Variants in SLC24A3 observed in about 807,000 individuals in gnomAD.
SLC24A3 encodes solute carrier family 24 member 3.
In SLC24A3, 28 loss-of-function variants were observed where a neutral mutation model predicts 75.8. The observed-to-expected ratio is 0.37, with a 90% CI of 0.27 to 0.51. The LOEUF (loss-of-function observed/expected upper bound fraction) is 0.51. Among genes scored for constraint, SLC24A3 ranks in the 20% least tolerant of loss-of-function variants. SLC24A3 has a pLI of 0.94. For synonymous variants in SLC24A3, 372 were observed against 334.1 expected, an observed-to-expected ratio of 1.11 and a Z score of -1.24; for missense variants, 663 against 847.8, an observed-to-expected ratio of 0.78 and a Z score of 2.71.
intron 6 of SLC24A3, among the ~76,000 whole-genome samples, chr20:19,610,400 G>A (rs1449307390): frequency 1.3e-5 from 2 of 152,170 alleles, no homozygotes; most frequent in African/African-American, 4.8e-5. Context: ...GCTGGGCTGG[G>A]ACCCCACAGA....
At chr20:19,572,851 G>C (rs556229081) in intron 3 of SLC24A3, among the ~76,000 whole-genome samples, 1 of 152,156 alleles carries the variant, frequency 6.6e-6, no homozygotes, top group East Asian at 1.9e-4. Context: ...TCCTCATGGG[G>C]CTATTAGATA....
chr20:19,568,653 A>T (rs2031000517), intron 3 of SLC24A3, among the ~76,000 whole-genome samples: 1 of 152,224 alleles, frequency 6.6e-6, no homozygotes, highest in Non-Finnish European at 1.5e-5. Context: ...TCAATCTGGG[A>T]AAATGAGAAA....
At chr20:19,506,246 T>A (rs1010614645) in intron 2 of SLC24A3, among the ~76,000 whole-genome samples, 1 of 152,216 alleles carries the variant, frequency 6.6e-6, no homozygotes, top group Non-Finnish European at 1.5e-5. Flanking sequence ...CAAGTTTTCT[T>A]AGCAAATTTG....
chr20:19,298,747 A>G (rs549694414), intron 2 of SLC24A3, among the ~76,000 whole-genome samples: 21 of 152,358 alleles, frequency 1.4e-4, no homozygotes, highest in South Asian at 8.3e-4. Flanking sequence ...TTGCAAATCA[A>G]TGAAATAGTT....
chr20:19,568,162 T>C (rs960808595), intron 3 of SLC24A3, among the ~76,000 whole-genome samples: 3 of 152,174 alleles, frequency 2.0e-5, no homozygotes, highest in African/African-American at 7.2e-5. Context: ...TGTGGAGAAA[T>C]TGGAACCCAT....
chr20:19,371,419 C>G (rs907305081), intron 2 of SLC24A3, among the ~76,000 whole-genome samples: 1 of 152,138 alleles, frequency 6.6e-6, no homozygotes, highest in African/African-American at 2.4e-5. Flanking sequence ...TGTGGAACAG[C>G]TGGGAGCACT....
chr20:19,674,211 T>C (rs183855976), intron 9 of SLC24A3, among the ~76,000 whole-genome samples: 1 of 152,386 alleles, frequency 6.6e-6, no homozygotes, highest in Admixed American at 6.5e-5. Context: ...ATCAAATATC[T>C]GTGGACTTCC....
At position 19,721,393 on chromosome 20, in the gene SLC24A3, A is replaced by G; in HGVS notation, c.*253A>G. The G allele has an allele frequency of 2.3e-6, 1 of 436,754 alleles. No individual in the cohort carries two copies. Among genetic ancestry groups the G allele is most frequent in the South Asian group, 4.7e-5 (1 of 21,212 alleles). The allele number at this position is 436,754 out of a possible 1,614,324, so 27.1% of individuals were successfully genotyped here. A position where few individuals can be genotyped will look rare whatever the true frequency, so the allele number is the denominator to read the frequency against. On this transcript the variant is annotated 3_prime_UTR_variant, in exon 17 of 17. Transcript: ENST00000328041. The stretch of plus-strand genomic sequence containing the variant: ...CATCCAACATCCACGTGACTTTTCC[A>G]GCTCCATTTTTGAACAGTGACTGAG...
chr20:19,289,733 C>T (rs1195644259), intron 2 of SLC24A3, among the ~76,000 whole-genome samples: 1 of 152,224 alleles, frequency 6.6e-6, no homozygotes, highest in African/African-American at 2.4e-5. Flanking sequence ...CACTCCCACC[C>T]ACCTGGCTCC....
chr20:19,479,388 C>T (rs6081611), intron 2 of SLC24A3, among the ~76,000 whole-genome samples: 15,218 of 152,280 alleles, frequency 0.1, 812 homozygotes, highest in Admixed American at 0.1. Context: ...ACTGGCTTTC[C>T]TGACATCTCC....
At chr20:19,409,847 G>GTATATATA (rs548789154) in intron 2 of SLC24A3, among the ~76,000 whole-genome samples, 14 of 146,210 alleles carry the variant, frequency 9.6e-5, no homozygotes, top group Non-Finnish European at 1.8e-4. Context: ...GTGTGTGTGT[G>GTATATATA]TATATATATA....
At chr20:19,719,028 C>T (rs907378461) in intron 16 of SLC24A3, among the ~76,000 whole-genome samples, 150 of 152,176 alleles carry the variant, frequency 9.9e-4, no homozygotes, top group Admixed American at 9.2e-4. Flanking sequence ...TTTGGAGATG[C>T]GGGAATAAAA....
chr20:19,238,126 C>G (rs1331214228), intron 1 of SLC24A3, among the ~76,000 whole-genome samples: 3 of 152,090 alleles, frequency 2.0e-5, no homozygotes, highest in African/African-American at 7.2e-5. Context: ...AATTAAGAAA[C>G]AGAGCAGGAT....
At chr20:19,290,191 T>C (rs985053468) in intron 2 of SLC24A3, among the ~76,000 whole-genome samples, 2 of 152,060 alleles carry the variant, frequency 1.3e-5, no homozygotes, top group African/African-American at 2.4e-5. Context: ...TGAGGCACAC[T>C]CAAGTGTGAG....
intron 2 of SLC24A3, among the ~76,000 whole-genome samples, chr20:19,375,511 C>T (rs1986069315): frequency 6.6e-6 from 1 of 152,182 alleles, no homozygotes; most frequent in Admixed American, 6.5e-5. Context: ...AGCTGCTGGC[C>T]TGGGAAGACA....
intron 2 of SLC24A3, among the ~76,000 whole-genome samples, chr20:19,440,161 T>G (rs1396817094): frequency 6.6e-6 from 1 of 152,220 alleles, no homozygotes; most frequent in Non-Finnish European, 1.5e-5. Flanking sequence ...TGAATTTAAC[T>G]TATTTCGAAG....
At chr20:19,343,908 G>A (rs553668252) in intron 2 of SLC24A3, among the ~76,000 whole-genome samples, 40 of 152,270 alleles carry the variant, frequency 2.6e-4, no homozygotes, top group Admixed American at 7.8e-4. Context: ...ACAGCATAAA[G>A]GGCCTGGACT....
chr20:19,605,280 T>C (rs1251844412), intron 6 of SLC24A3, among the ~76,000 whole-genome samples: 4 of 152,116 alleles, frequency 2.6e-5, no homozygotes, highest in African/African-American at 9.7e-5. Context: ...AGCTGTCTGA[T>C]GTCTAAAGAC....
At chr20:19,238,430 A>C (rs1298924657) in intron 1 of SLC24A3, among the ~76,000 whole-genome samples, 1 of 152,216 alleles carries the variant, frequency 6.6e-6, no homozygotes, top group Non-Finnish European at 1.5e-5. Context: ...ATTCTTGTTC[A>C]TGCCTTTCCG....
Sources: gnomAD v4.1 joint callset for allele counts (sites outside exome capture counted in the v4.1 genomes callset) on GRCh38, gnomAD v4.1.1 for gene constraint, MANE v1.5 for transcripts, NCBI Gene and HGNC (gene_info 2026-07-23, HGNC 2026-07-21) for gene names.